CRACDL: variants seen among roughly 807,000 people sequenced by gnomAD.
The protein encoded by CRACDL is CRACD like.
A neutral mutation model predicts 70.6 loss-of-function variants in CRACDL; 26 were observed. The observed-to-expected ratio is 0.37, with a 90% CI of 0.27 to 0.51. The LOEUF is 0.51. Among genes scored for constraint, CRACDL ranks in the 20% least tolerant of loss-of-function variants. The pLI is 0.94. For missense variants in CRACDL, 1,283 were observed against 1,376.9 expected (o/e 0.93, Z 1.08); for synonymous variants, 618 against 615.2 (o/e 1.00, Z -0.07).
chr2:98,893,477 G>A (rs1223614196), intron 1 of CRACDL, among the ~76,000 whole-genome samples: 1 of 152,050 alleles, frequency 6.6e-6, no homozygotes, highest in African/African-American at 2.4e-5. Flanking sequence ...GTAGAGACGG[G>A]GTTTCAACAT....
chr2:98,799,374 GTC>G (rs1703976268), intron 7 of CRACDL, among the ~76,000 whole-genome samples: 1 of 152,022 alleles, frequency 6.6e-6, no homozygotes, highest in Non-Finnish European at 1.5e-5. Flanking sequence ...GCAAGCTACA[GTC>G]TCTTGCTGGT....
intron 7 of CRACDL, among the ~76,000 whole-genome samples, chr2:98,811,516 CAA>C (rs1199306759): frequency 1.0e-4 from 5 of 49,640 alleles, no homozygotes; most frequent in South Asian, 1.6e-3. Context: ...GACTCTGTCT[CAA>C]AAAAAAAAAA....
Position 98,822,986 on chromosome 2 carries a change from G to C in CRACDL, c.1287C>G (p.Asp429Glu). Residue 429 changes from aspartate to glutamate, a missense_variant, in exon 7 of 10, where the codon GAC becomes GAG. Asp to Glu is a conservative substitution (Grantham distance 45, BLOSUM62 2). Coordinates refer to ENST00000397899, the MANE Select transcript of CRACDL (RefSeq NM_207362.3). The surrounding 1 kb of genome is among the most constrained non-coding windows in gnomAD (Gnocchi z 4.9). ...CCTTCGGGACACTGCGTTCTGGCCC[G>C]TCGCGAGCAGAGGGCGCCTCTGAGG... ...AATSEAPSAR[D>E]GPERSVPKEA... 6.7e-7 allele frequency: 1 copy of C among 1,490,664 alleles called. No individual in the cohort carries two copies. Among genetic ancestry groups the C allele is most frequent in the South Asian group, 1.3e-5 (1 of 78,160 alleles). 92.3% of individuals were successfully genotyped at this position (1,490,664 alleles called of 1,614,324 possible).
At chr2:98,794,781 G>A (rs542908749) in intron 9 of CRACDL, 110 bp from the exon 10 acceptor site, 10 of 827,922 alleles carry the variant, frequency 1.2e-5, no homozygotes, top group Non-Finnish European at 1.7e-5. Context: ...CTGTGTTCTC[G>A]AACATAAAAT....
In CRACDL at chr2:98,891,690, C is replaced by T. The variant is rs368860793; in HGVS notation, c.-11+44248G>A. Among the ~76,000 whole-genome samples, 22 of 152,166 alleles carry T rather than the reference C, an allele frequency of 1.4e-4. No individual in the cohort carries two copies. In the South Asian group the frequency reaches 1.9e-3, roughly 13 times the overall value. ...TGAACATAATTTGGAAGGCTGTATA[C>T]AAATCATAAGCCCTTTACATTTTTT... On this transcript the variant is annotated intron_variant, in intron 1 of 9. Coordinates refer to ENST00000397899, the MANE Select transcript of CRACDL (RefSeq NM_207362.3).
At chr2:98,799,203 A>G (rs1373777024) in intron 7 of CRACDL, among the ~76,000 whole-genome samples, 2 of 152,028 alleles carry the variant, frequency 1.3e-5, no homozygotes, top group African/African-American at 4.8e-5. Flanking sequence ...AGGAGGAGTG[A>G]ATGTCATTGT....
chr2:98,843,417 A>G (rs1377292611), intron 2 of CRACDL, among the ~76,000 whole-genome samples: 1 of 151,992 alleles, frequency 6.6e-6, no homozygotes, highest in Non-Finnish European at 1.5e-5. Flanking sequence ...CAATTTATAC[A>G]TTTTTTCCTT....
chr2:98,823,239 T>A lies in CRACDL; in HGVS notation c.1034A>T (p.Glu345Val). The A allele has an allele frequency of 7.1e-7, 1 of 1,405,356 alleles. No homozygotes were observed. Among genetic ancestry groups the A allele is most frequent in the Non-Finnish European group, 9.2e-7 (1 of 1,086,736 alleles). The allele number at this position is 1,405,356 out of a possible 1,614,324, so 87.1% of individuals were successfully genotyped here. A position where few individuals can be genotyped will look rare whatever the true frequency, so the allele number is the denominator to read the frequency against. Reference protein sequence around the residue: ...RPATPELAEPESAPTLRVEPP... With the variant: ...RPATPELAEPVSAPTLRVEPP... ...CTCCACGCGGAGAGTGGGGGCCGAC[T>A]CGGGCTCGGCGAGCTCCGGGGTGGC... Residue 345 changes from glutamate (E) to valine (V), a missense_variant, in exon 7 of 10, where the codon GAG becomes GTG. Coordinates refer to ENST00000397899, the MANE Select transcript of CRACDL (RefSeq NM_207362.3). The surrounding 1 kb of genome is among the most constrained non-coding windows in gnomAD (Gnocchi z 4.0).
At chr2:98,808,074 CTTACAT>C (rs1005197994) in intron 7 of CRACDL, among the ~76,000 whole-genome samples, 3 of 152,204 alleles carry the variant, frequency 2.0e-5, no homozygotes, top group African/African-American at 4.8e-5. Flanking sequence ...TTTAATTTCG[CTTACAT>C]TTACATTTAA....
intron 9 of CRACDL, among the ~76,000 whole-genome samples, 170 bp downstream of exon 9, chr2:98,795,950 A>G (rs1703799365): frequency 6.6e-6 from 1 of 152,240 alleles, no homozygotes; most frequent in South Asian, 2.1e-4. Flanking sequence ...TGAACTGTAC[A>G]CTAAAATGGA....
chr2:98,799,172 C>T (rs1703965583), intron 7 of CRACDL, among the ~76,000 whole-genome samples: 1 of 152,186 alleles, frequency 6.6e-6, no homozygotes, highest in Non-Finnish European at 1.5e-5. Context: ...CACTGTTTCA[C>T]AGCAACACAT....
intron 1 of CRACDL, among the ~76,000 whole-genome samples, chr2:98,923,721 C>T (rs140536318): frequency 7.9e-5 from 12 of 152,286 alleles, no homozygotes; most frequent in African/African-American, 2.6e-4. Flanking sequence ...TCAAAATTCA[C>T]AGTGTCTGTC....
At chr2:98,925,798 C>A (rs1708897346) in intron 1 of CRACDL, among the ~76,000 whole-genome samples, 1 of 152,062 alleles carries the variant, frequency 6.6e-6, no homozygotes, top group African/African-American at 2.4e-5. Flanking sequence ...AGGTGGGGAG[C>A]AATGCTCGAC....
intron 1 of CRACDL, among the ~76,000 whole-genome samples, chr2:98,926,854 G>A (rs548062578): frequency 2.6e-5 from 4 of 152,288 alleles, no homozygotes; most frequent in Admixed American, 6.5e-5. Context: ...GACTCAACAC[G>A]GCCAGGAAAG....
At chr2:98,873,062 C>G (rs1189503521) in intron 1 of CRACDL, among the ~76,000 whole-genome samples, 6 of 152,174 alleles carry the variant, frequency 3.9e-5, no homozygotes, top group Non-Finnish European at 8.8e-5. Flanking sequence ...TAAGTTACTT[C>G]CCTCTCTGAG....
chr2:98,822,139 C>A lies in CRACDL; in HGVS notation c.2134G>T (p.Glu712Ter). The A allele has an allele frequency of 6.2e-7, 1 of 1,600,112 alleles. No individual in the cohort carries two copies. ...EVKGVKRYSAEVRLERSLTVL... is the reference protein window; with the variant it reads ...EVKGVKRYSA ...GTCAGCGACCTTTCTAACCGGACCTCGGCACTGTACCTCTTCACACCCTTC... is the reference window on the plus strand; with the variant it reads ...GTCAGCGACCTTTCTAACCGGACCTAGGCACTGTACCTCTTCACACCCTTC... The change falls in exon 7 of 10, where the codon GAG becomes TAG. Residue 712 changes from glutamate to a stop codon, truncating the protein, a stop_gained. Transcript: ENST00000397899. LOFTEE classifies it high-confidence loss of function. The surrounding 1 kb of genome is among the most constrained non-coding windows in gnomAD (Gnocchi z 4.9).
At chr2:98,834,199 G>A (rs924820747) in intron 3 of CRACDL, among the ~76,000 whole-genome samples, 5 of 152,214 alleles carry the variant, frequency 3.3e-5, no homozygotes, top group Non-Finnish European at 7.3e-5. Context: ...AAGCACCTCC[G>A]CTTTGGATGT....
intron 1 of CRACDL, among the ~76,000 whole-genome samples, chr2:98,869,580 C>G (rs1324500564): frequency 1.3e-5 from 2 of 152,160 alleles, no homozygotes; most frequent in Non-Finnish European, 2.9e-5. Context: ...GGGCAGGGCC[C>G]AGGAAGAAAG....
intron 3 of CRACDL, among the ~76,000 whole-genome samples, chr2:98,833,834 A>AC (rs1196473876): frequency 1.3e-5 from 2 of 152,164 alleles, no homozygotes; most frequent in South Asian, 2.1e-4. Context: ...TCTTGTGTGC[A>AC]CCACCCCACC....
Sources: gnomAD v4.1 joint callset for allele counts (sites outside exome capture counted in the v4.1 genomes callset) on GRCh38, gnomAD v4.1.1 for gene constraint, Gnocchi (gnomAD v3.1) non-coding constraint, MANE v1.5 for transcripts, NCBI Gene and HGNC (gene_info 2026-07-23, HGNC 2026-07-21) for gene names.